SLIT1: variants seen among roughly 807,000 people sequenced by gnomAD.
The protein encoded by SLIT1 is slit guidance ligand 1, also known as slit homolog 1 protein.
A neutral mutation model predicts 186.1 loss-of-function variants in SLIT1; 66 were observed. The observed-to-expected ratio is 0.35, with a 90% CI of 0.29 to 0.44. The LOEUF (loss-of-function observed/expected upper bound fraction) is 0.44, where lower values mean the gene tolerates loss of function less well. Among genes scored for constraint, SLIT1 ranks in the 20% least tolerant of loss-of-function variants. The probability of loss-of-function intolerance (pLI) is 1.00; values close to 1 mark genes in which losing one functional copy is unlikely to be tolerated. For synonymous variants in SLIT1, 761 were observed against 833.8 expected (o/e 0.91, Z 1.50); for missense variants, 1,638 against 2,037.4 (o/e 0.80, Z 3.77).
At chr10:97,009,167 G>A (rs188230611) in intron 31 of SLIT1, among the ~76,000 whole-genome samples, 92 of 152,210 alleles carry the variant, frequency 6.0e-4, no homozygotes, top group African/African-American at 1.9e-3. Context: ...GTGAGCCACC[G>A]CGCCCAGCCA....
At position 97,022,562 on chromosome 10, in the gene SLIT1, C is replaced by T. The variant is rs1365801509; in HGVS notation, c.2583-1149G>A. 6.6e-6 allele frequency among the ~76,000 whole-genome samples: 1 copy of T among 152,174 alleles called. No individual in the cohort carries two copies. The highest frequency in any genetic ancestry group is 2.4e-5 in the African/African-American group (1 of 41,430). On this transcript the variant is annotated intron_variant, in intron 25 of 36. Transcript: ENST00000266058. The surrounding 1 kb of genome is among the most constrained non-coding windows in gnomAD (Gnocchi z 4.2). ...GAATTGTGTGACACTTATCATATGACTTATGCAATTGCCTTCTGATCCAGC... is the reference window on the plus strand; with the variant it reads ...GAATTGTGTGACACTTATCATATGATTTATGCAATTGCCTTCTGATCCAGC...
chr10:97,075,830 A>G (rs1849040325), intron 4 of SLIT1, among the ~76,000 whole-genome samples: 1 of 152,180 alleles, frequency 6.6e-6, no homozygotes, highest in South Asian at 2.1e-4. Flanking sequence ...AGCAGAGGAA[A>G]GGTGTAAAAT....
At chr10:97,040,213 A>G (rs1037775996) in intron 20 of SLIT1, 93 bp from the exon 21 acceptor site, 2 of 1,297,290 alleles carry the variant, frequency 1.5e-6, no homozygotes, top group Non-Finnish European at 2.1e-6. Context: ...GCCTCTCAGA[A>G]CAGAAGACCC....
intron 4 of SLIT1, among the ~76,000 whole-genome samples, chr10:97,075,950 G>T (rs975226651): frequency 6.6e-6 from 1 of 152,178 alleles, no homozygotes; most frequent in African/African-American, 2.4e-5. Flanking sequence ...TGGGGGCTGA[G>T]GTGGGGAGAC....
chr10:97,167,271 C>A (rs910809937), intron 1 of SLIT1, among the ~76,000 whole-genome samples: 1 of 152,200 alleles, frequency 6.6e-6, no homozygotes, highest in Non-Finnish European at 1.5e-5. Context: ...CTGTGTTGCA[C>A]CCCAACCTGC....
chr10:97,175,115 G>A (rs778747116), intron 1 of SLIT1, among the ~76,000 whole-genome samples: 3 of 152,142 alleles, frequency 2.0e-5, no homozygotes, highest in Non-Finnish European at 4.4e-5. Flanking sequence ...ACTCCTCTGG[G>A]TAACTCAGAT....
intron 4 of SLIT1, among the ~76,000 whole-genome samples, chr10:97,143,675 G>T (rs1849787811): frequency 6.6e-6 from 1 of 152,166 alleles, no homozygotes; most frequent in Admixed American, 6.5e-5. Flanking sequence ...GGAAAAAAAG[G>T]AGGGATGGGG....
rs746360290 is a variant in SLIT1 at position 97,063,416 on chromosome 10, C to G, written c.793+39G>C. The stretch of plus-strand genomic sequence containing the variant: ...CGGGAACAAGAGGCAGGGCAGGAGG[C>G]GCCGGACAGTTGAGAGCCCGGCAGG... On this transcript the variant is annotated intron_variant, in intron 8 of 36. Transcript: ENST00000266058. 5.0e-6 allele frequency: 8 copies of G among 1,606,702 alleles called. No homozygotes were observed. The South Asian group carries it at 8.8e-5, about 18-fold the overall frequency.
In SLIT1 at chr10:97,063,537, C is replaced by A. The variant is rs1176423433; in HGVS notation, c.711G>T (p.Gly237=). 1 of 1,613,142 alleles carries A rather than the reference C, an allele frequency of 6.2e-7. No homozygotes were observed. The highest frequency in any genetic ancestry group is 2.2e-5 in the East Asian group (1 of 44,872). Reference sequence around the variant, plus strand: ...CTGGGCCCGAGCACTGGGTGAAGAGCCCGATGGTTGGCCGCTGCCTCAGCC... The same window carrying A: ...CTGGGCCCGAGCACTGGGTGAAGAGACCGATGGTTGGCCGCTGCCTCAGCC... ...SQWLRQRPTI[G]LFTQCSGPAS... Residue 237 remains glycine (G), a synonymous_variant, in exon 8 of 37, where the codon GGG becomes GGT. Coordinates refer to ENST00000266058, the MANE Select transcript of SLIT1 (RefSeq NM_003061.3).
intron 4 of SLIT1, among the ~76,000 whole-genome samples, chr10:97,095,997 G>A (rs756030800): frequency 6.6e-6 from 1 of 152,118 alleles, no homozygotes; most frequent in African/African-American, 2.4e-5. Context: ...GAGGTGCAAG[G>A]TCCCTCCCGG....
chr10:97,085,416 C>T (rs1452137141), intron 4 of SLIT1, among the ~76,000 whole-genome samples: 5 of 150,914 alleles, frequency 3.3e-5, no homozygotes, highest in African/African-American at 9.8e-5. Context: ...GAGATGGAGT[C>T]TCGCACTGTC....
intron 4 of SLIT1, among the ~76,000 whole-genome samples, chr10:97,120,102 C>T (rs1461906925): frequency 6.6e-6 from 1 of 151,774 alleles, no homozygotes; most frequent in Non-Finnish European, 1.5e-5. Context: ...GAAGTTTTAG[C>T]TCCATTTTAC....
intron 25 of SLIT1, among the ~76,000 whole-genome samples, chr10:97,023,473 G>A (rs1214684618): frequency 6.6e-6 from 1 of 152,110 alleles, no homozygotes; most frequent in Non-Finnish European, 1.5e-5. Flanking sequence ...CAACTGCAAA[G>A]GTTGTATCCA....
chr10:97,008,870 A>G (rs1048235410), intron 31 of SLIT1, among the ~76,000 whole-genome samples: 1 of 150,210 alleles, frequency 6.7e-6, no homozygotes, highest in Non-Finnish European at 1.5e-5. Context: ...TTTATTATTT[A>G]TTTATTTATT....
Position 97,033,292 on chromosome 10 carries a change from T to G in SLIT1, c.2438+1179A>C, listed in dbSNP as rs372496662. ...GCTGGGTCAGGGCCCCTTCCTTTTT[T>G]GGGTACTGGCTCTACTGTTCTATCT... On this transcript the variant is annotated intron_variant, in intron 23 of 36. Coordinates refer to ENST00000266058, the MANE Select transcript of SLIT1 (RefSeq NM_003061.3). 6.4e-4 allele frequency among the ~76,000 whole-genome samples: 98 copies of G among 152,286 alleles called. 1 individual carries two copies. The highest frequency in any genetic ancestry group is 2.3e-3 in the African/African-American group (97 of 41,552).
At chr10:97,042,819 A>C in intron 20 of SLIT1, 82 bp downstream of exon 20, 1 of 1,456,774 alleles carries the variant, frequency 6.9e-7, no homozygotes. Flanking sequence ...CTGCCTGTCC[A>C]CTCCCATCTT....
At chr10:97,041,961 A>C (rs986678332) in intron 20 of SLIT1, among the ~76,000 whole-genome samples, 4 of 152,098 alleles carry the variant, frequency 2.6e-5, no homozygotes, top group Non-Finnish European at 4.4e-5. Flanking sequence ...AACAAATCAG[A>C]CATTTTTAAA....
At chr10:97,163,313 C>T in intron 3 of SLIT1, 67 bp downstream of exon 3, 1 of 1,385,834 alleles carries the variant, frequency 7.2e-7, no homozygotes, top group Middle Eastern at 2.0e-4. Context: ...CTGGCAGCAG[C>T]TTGGCCTGCC....
At chr10:97,147,033 A>C (rs1849825687) in intron 4 of SLIT1, among the ~76,000 whole-genome samples, 1 of 152,220 alleles carries the variant, frequency 6.6e-6, no homozygotes, top group Non-Finnish European at 1.5e-5. Context: ...CCTACTGTCC[A>C]TCAACAGCTG....
Sources: gnomAD v4.1 joint callset for allele counts (sites outside exome capture counted in the v4.1 genomes callset) on GRCh38, gnomAD v4.1.1 for gene constraint, Gnocchi (gnomAD v3.1) non-coding constraint, MANE v1.5 for transcripts, NCBI Gene and HGNC (gene_info 2026-07-23, HGNC 2026-07-21) for gene names.